The following SLC24A4 variants were observed in gnomAD, a reference collection of about 807,000 sequenced individuals.
SLC24A4 encodes the protein solute carrier family 24 member 4.
Under a neutral mutation model 79.0 loss-of-function variants are expected in SLC24A4, and 53 were observed. That is an observed-to-expected ratio of 0.67 (90% confidence interval 0.54 to 0.84). SLC24A4 has a LOEUF of 0.84. Among genes scored for constraint, SLC24A4 ranks in the 40% least tolerant of loss-of-function variants. SLC24A4 has a pLI of 0.00. For missense variants in SLC24A4, 731 were observed against 822.0 expected, an observed-to-expected ratio of 0.89 and a Z score of 1.35; for synonymous variants, 323 against 323.8, an observed-to-expected ratio of 1.00 and a Z score of 0.03.
At chr14:92,397,992 G>T (rs1184693476) in intron 2 of SLC24A4, among the ~76,000 whole-genome samples, 1 of 152,158 alleles carries the variant, frequency 6.6e-6, no homozygotes, top group African/African-American at 2.4e-5. Context: ...CACAAGCCAC[G>T]CAACCAATAA....
Position 92,449,176 on chromosome 14 carries a change from C to A in SLC24A4, c.840C>A (p.Asp280Glu). 1 of 1,614,132 alleles carries A rather than the reference C, an allele frequency of 6.2e-7. No homozygotes were observed. Among genetic ancestry groups the A allele is most frequent in the African/African-American group, 1.3e-5 (1 of 75,016 alleles). The change falls in exon 10 of 17, where the codon GAC becomes GAA. Residue 280 changes from aspartate (D) to glutamate (E), a missense_variant. Coordinates refer to ENST00000532405, the MANE Select transcript of SLC24A4 (RefSeq NM_153646.4). ...SELEAGNDFY[D>E]GSYDDPSVPL... Reference sequence around the variant, plus strand: ...TGGAGGCTGGTAATGATTTCTATGACGGTAGCTATGATGACCCTTCCGTGC... The same window carrying A: ...TGGAGGCTGGTAATGATTTCTATGAAGGTAGCTATGATGACCCTTCCGTGC...
chr14:92,382,637 G>T (rs868336821), intron 2 of SLC24A4, among the ~76,000 whole-genome samples: 1 of 152,158 alleles, frequency 6.6e-6, no homozygotes, highest in African/African-American at 2.4e-5. Flanking sequence ...ACTTGCCATT[G>T]GTGGTCATCA....
At chr14:92,383,728 C>T (rs951126131) in intron 2 of SLC24A4, among the ~76,000 whole-genome samples, 7 of 152,160 alleles carry the variant, frequency 4.6e-5, no homozygotes, top group Admixed American at 2.0e-4. Context: ...TGACCGTGAG[C>T]GTATGAATGT....
chr14:92,429,162 T>C lies in SLC24A4; in HGVS notation c.242-4750T>C, dbSNP rs563711491. On this transcript the variant is annotated intron_variant, in intron 2 of 16. Coordinates refer to ENST00000532405, the MANE Select transcript of SLC24A4 (RefSeq NM_153646.4). ...CCCACGTGTCTCGGTGCATTCAGGC[T>C]CCTATAACAAACTATGGTAAACTGG... Among the ~76,000 whole-genome samples, 171 of 152,204 alleles carry C rather than the reference T, an allele frequency of 1.1e-3. 1 individual carries two copies. The highest frequency in any genetic ancestry group is 3.8e-3 in the African/African-American group (159 of 41,514).
intron 2 of SLC24A4, among the ~76,000 whole-genome samples, chr14:92,327,847 G>A (rs1032532198): frequency 6.6e-6 from 1 of 152,210 alleles, no homozygotes; most frequent in African/African-American, 2.4e-5. Flanking sequence ...GGGAAGTGGA[G>A]GGAACTTGAT....
intron 2 of SLC24A4, among the ~76,000 whole-genome samples, chr14:92,344,447 G>C (rs1365251337): frequency 6.6e-6 from 1 of 152,234 alleles, no homozygotes. Flanking sequence ...TTAATGTGTA[G>C]TGTTAAGTGA....
intron 13 of SLC24A4, chr14:92,484,887 A>G (rs551186058): frequency 6.1e-6 from 6 of 985,388 alleles, no homozygotes; most frequent in African/African-American, 5.2e-5. Context: ...GCTGAATAAT[A>G]CACAGTTTGG....
chr14:92,375,345 A>G (rs945352106), intron 2 of SLC24A4, among the ~76,000 whole-genome samples: 13 of 152,242 alleles, frequency 8.5e-5, no homozygotes, highest in Admixed American at 7.9e-4. Flanking sequence ...AGACCCTCGG[A>G]CAGTGCTGTT....
chr14:92,449,309 CACACACACA>C, intron 10 of SLC24A4, 93 bp downstream of exon 10: 2 of 1,313,174 alleles, frequency 1.5e-6, no homozygotes, highest in Non-Finnish European at 2.1e-6. Flanking sequence ...CACACACACA[CACACACACA>C]CACACCCTCT....
chr14:92,426,196 T>C (rs909344845), intron 2 of SLC24A4, among the ~76,000 whole-genome samples: 18 of 152,014 alleles, frequency 1.2e-4, no homozygotes, highest in African/African-American at 4.1e-4. Context: ...GGGTAATAAA[T>C]AAAGAAGGTT....
Position 92,323,847 on chromosome 14 carries a change from C to T in SLC24A4, c.17C>T (p.Thr6Ile). 1 of 1,586,624 alleles carries T rather than the reference C, an allele frequency of 6.3e-7. No individual in the cohort carries two copies. The highest frequency in any genetic ancestry group is 8.5e-7 in the Non-Finnish European group (1 of 1,173,474). Residue 6 changes from threonine (T) to isoleucine (I), a missense_variant, in exon 1 of 17, where the codon ACC becomes ATC. Coordinates refer to ENST00000532405, the MANE Select transcript of SLC24A4 (RefSeq NM_153646.4). This position sits in a 1 kb window ranked among gnomAD's most constrained non-coding sequence, Gnocchi z 4.9. The stretch of plus-strand genomic sequence containing the variant: ...CGCTCCGGGATGGCGCTCCGCGGGA[C>T]CCTCCGGCCGCTCAAAGTTCGCAGG... MALRGTLRPLKVRRRR... is the reference protein window; with the variant it reads MALRGILRPLKVRRRR...
chr14:92,366,582 T>G (rs780969725), intron 2 of SLC24A4, among the ~76,000 whole-genome samples: 6 of 152,188 alleles, frequency 3.9e-5, no homozygotes, highest in Non-Finnish European at 7.3e-5. Flanking sequence ...GGGTGGAATC[T>G]CCCTGCCCTG....
rs12882019 is a variant in SLC24A4 at position 92,351,943 on chromosome 14, A to G, written c.241+25965A>G. Among the ~76,000 whole-genome samples, 15 of 91,794 alleles carry G rather than the reference A, an allele frequency of 1.6e-4. No homozygotes were observed. In the South Asian group the frequency reaches 4.4e-3, roughly 27 times the overall value. 60.2% of individuals were successfully genotyped at this position (91,794 alleles called of 152,430 possible). A position where few individuals can be genotyped will look rare whatever the true frequency, so the allele number is the denominator to read the frequency against. On this transcript the variant is annotated intron_variant, in intron 2 of 16. Coordinates refer to ENST00000532405, the MANE Select transcript of SLC24A4 (RefSeq NM_153646.4). The stretch of plus-strand genomic sequence containing the variant: ...GGAAAGGAAAGGAAAGGAAAGGAAA[A>G]GAAAGGAAGGAGAAAGAGTAAGAGA...
chr14:92,500,464 G>GA lies in SLC24A4; in HGVS notation c.*6841dup, dbSNP rs1238442071. On this transcript the variant is annotated 3_prime_UTR_variant, in exon 17 of 17. Transcript: ENST00000532405. Reference sequence around the variant, plus strand: ...AAGAAGAGAGGACTTTTCCCCTCCTGAAAAATGACTGGAGTGTGAACAAGG... The same window carrying GA: ...AAGAAGAGAGGACTTTTCCCCTCCTGAAAAAATGACTGGAGTGTGAACAAGG... 1 of 152,212 alleles carries GA rather than the reference G, an allele frequency of 6.6e-6. No individual in the cohort carries two copies. The allele number at this position is 152,212 out of a possible 1,614,324, so 9.4% of individuals were successfully genotyped here. A position where few individuals can be genotyped will look rare whatever the true frequency, so the allele number is the denominator to read the frequency against.
At chr14:92,360,782 A>G (rs1209470447) in intron 2 of SLC24A4, among the ~76,000 whole-genome samples, 1 of 152,182 alleles carries the variant, frequency 6.6e-6, no homozygotes, top group Admixed American at 6.5e-5. Flanking sequence ...CCAGCTAGTA[A>G]GCGACAAACT....
chr14:92,346,758 C>T (rs1470972026), intron 2 of SLC24A4, among the ~76,000 whole-genome samples: 1 of 152,192 alleles, frequency 6.6e-6, no homozygotes, highest in East Asian at 1.9e-4. Context: ...GATACTGAGG[C>T]TGTGACCCAG....
chr14:92,356,568 C>A (rs1044878785), intron 2 of SLC24A4, among the ~76,000 whole-genome samples: 3 of 152,116 alleles, frequency 2.0e-5, no homozygotes, highest in African/African-American at 7.2e-5. Context: ...TTAGTTTCTC[C>A]AACTGTAAAA....
At chr14:92,393,531 C>T (rs1387680310) in intron 2 of SLC24A4, among the ~76,000 whole-genome samples, 1 of 147,508 alleles carries the variant, frequency 6.8e-6, no homozygotes, top group African/African-American at 2.5e-5. Context: ...CAGTTCCATC[C>T]AAGAAGACAC....
intron 2 of SLC24A4, among the ~76,000 whole-genome samples, chr14:92,379,855 G>A (rs1402960830): frequency 6.6e-5 from 10 of 152,038 alleles, no homozygotes; most frequent in Admixed American, 2.6e-4. Flanking sequence ...TTCCTACCAC[G>A]CCTGGGGCTG....
Sources: allele counts gnomAD v4.1 joint callset (sites outside exome capture counted in the v4.1 genomes callset), GRCh38; gene constraint gnomAD v4.1.1; non-coding constraint Gnocchi (gnomAD v3.1); transcripts MANE v1.5; gene names NCBI Gene and HGNC (gene_info 2026-07-23, HGNC 2026-07-21).